The following C6orf132 variants were observed in gnomAD, a reference collection of about 807,000 sequenced individuals.
C6orf132 encodes the protein uncharacterized protein C6orf132.
In C6orf132, 43 loss-of-function variants were observed where a neutral mutation model predicts 65.3. The observed-to-expected ratio is 0.66, with a 90% confidence interval of 0.52 to 0.85. The LOEUF (loss-of-function observed/expected upper bound fraction) is 0.85. C6orf132 is among the 40% of genes least tolerant of loss of function. C6orf132 has a pLI of 0.00. For missense variants in C6orf132, 1,488 were observed against 1,548.8 expected (o/e 0.96, Z 0.66); for synonymous variants, 631 against 654.1 (o/e 0.96, Z 0.54).
Position 42,105,467 on chromosome 6 carries a change from G to C in C6orf132, c.2445C>G (p.Ala815=). ...EPPGLPAKPP[A]SAQPTDELLR... is the part of the protein sequence containing the mutation. ...GGAGTTCATCAGTGGGCTGGGCCGA[G>C]GCAGGAGGCTTGGCTGGCAGCCCTG... Residue 815 remains alanine (A), a synonymous_variant, in exon 4 of 5, where the codon GCC becomes GCG. Transcript: ENST00000341865. 1 of 1,534,042 alleles carries C rather than the reference G, an allele frequency of 6.5e-7. No homozygotes were observed. Among genetic ancestry groups the C allele is most frequent in the African/African-American group, 1.4e-5 (1 of 73,132 alleles).
At position 42,107,329 on chromosome 6, in the gene C6orf132, C is replaced by G; in HGVS notation, c.583G>C (p.Glu195Gln). ...AGAGTGTGTGGTGGGGATAGGGCCT[C>G]CAATACTGGGGGTGGAGGTGGGGCC... ...SMAPPPPPVLEALSPPHTLSS... is the reference protein window; with the variant it reads ...SMAPPPPPVLQALSPPHTLSS... Residue 195 changes from glutamate to glutamine, a missense_variant, in exon 4 of 5, where the codon GAG becomes CAG. Glu to Gln is a conservative substitution (Grantham distance 29, BLOSUM62 2). Coordinates refer to ENST00000341865, the MANE Select transcript of C6orf132 (RefSeq NM_001164446.3). The G allele has an allele frequency of 8.0e-7, 1 of 1,249,090 alleles. No homozygotes were observed. 77.4% of individuals were successfully genotyped at this position (1,249,090 alleles called of 1,614,324 possible). A position where few individuals can be genotyped will look rare whatever the true frequency, so the allele number is the denominator to read the frequency against.
intron 1 of C6orf132, among the ~76,000 whole-genome samples, chr6:42,134,510 A>G (rs1766907713): frequency 6.6e-6 from 1 of 152,066 alleles, no homozygotes; most frequent in Non-Finnish European, 1.5e-5. Flanking sequence ...ACAGTAGCTC[A>G]CGCCTGTAAT....
chr6:42,101,756 G>C lies in C6orf132; in HGVS notation c.*2005C>G, dbSNP rs758872180. ...GGGGCTGGGGTGGGATTTGCTTCTT[G>C]AACACAGATAACCAGACCCTACCCC... On this transcript the variant is annotated 3_prime_UTR_variant, in exon 5 of 5. Transcript: ENST00000341865. 2 of 152,100 alleles carry C rather than the reference G, an allele frequency of 1.3e-5. No homozygotes were observed. Among genetic ancestry groups the C allele is most frequent in the Non-Finnish European group, 2.9e-5 (2 of 68,036 alleles). 9.4% of individuals were successfully genotyped at this position (152,100 alleles called of 1,614,324 possible).
rs1196685990 is a variant in C6orf132 at position 42,105,860 on chromosome 6, C to T, written c.2052G>A (p.Lys684=). The change falls in exon 4 of 5, where the codon AAG becomes AAA. Residue 684 remains lysine, a synonymous_variant. Transcript: ENST00000341865. The part of the protein sequence containing the change: ...KATSGPTTPL[K]ATSGPAIAST... ...ATGCTATGGCAGGGCCAGATGTGGC[C>T]TTGAGTGGTGTGGTTGGCCCAGATG... is the stretch of plus-strand genomic sequence containing the variant. 6.5e-7 allele frequency: 1 copy of T among 1,537,122 alleles called. No individual in the cohort carries two copies. The highest frequency in any genetic ancestry group is 8.7e-7 in the Non-Finnish European group (1 of 1,146,856).
intron 1 of C6orf132, among the ~76,000 whole-genome samples, chr6:42,140,059 G>A (rs926953408): frequency 3.3e-5 from 5 of 152,194 alleles, no homozygotes; most frequent in African/African-American, 7.2e-5. Context: ...CTTCTGCCAC[G>A]CCCAGTGGCA....
At chr6:42,118,682 C>T (rs1180279666) in intron 2 of C6orf132, among the ~76,000 whole-genome samples, 1 of 152,124 alleles carries the variant, frequency 6.6e-6, no homozygotes, top group Admixed American at 6.5e-5. Context: ...CCACTCCCTG[C>T]ACTGTGGCTG....
At chr6:42,120,058 C>CACCCCAGCCTGGGCAACA (rs1766655860) in intron 2 of C6orf132, among the ~76,000 whole-genome samples, 2 of 151,692 alleles carry the variant, frequency 1.3e-5, no homozygotes, top group African/African-American at 4.8e-5. Context: ...CATGCCATTG[C>CACCCCAGCCTGGGCAACA]ACCCCAGCCT....
intron 1 of C6orf132, among the ~76,000 whole-genome samples, chr6:42,134,518 A>T (rs1766907853): frequency 6.6e-6 from 1 of 152,078 alleles, no homozygotes; most frequent in South Asian, 2.1e-4. Context: ...TCACGCCTGT[A>T]ATCCCAGCAC....
At chr6:42,118,093 G>A (rs1376638251) in intron 2 of C6orf132, among the ~76,000 whole-genome samples, 3 of 152,118 alleles carry the variant, frequency 2.0e-5, no homozygotes, top group Non-Finnish European at 2.9e-5. Flanking sequence ...TGACTACAGC[G>A]TTCTGTCAGT....
At chr6:42,120,891 G>T (rs1383322418) in intron 2 of C6orf132, among the ~76,000 whole-genome samples, 2 of 152,194 alleles carry the variant, frequency 1.3e-5, no homozygotes, top group East Asian at 1.9e-4. Context: ...AAAGTGTTGG[G>T]ATTACAGGCA....
In C6orf132 at chr6:42,105,595, A is replaced by G; in HGVS notation, c.2317T>C (p.Cys773Arg). 1 of 1,536,786 alleles carries G rather than the reference A, an allele frequency of 6.5e-7. No homozygotes were observed. Among genetic ancestry groups the G allele is most frequent in the African/African-American group, 1.4e-5 (1 of 73,172 alleles). ...TCACGGCTGAGGCTGCTCTGGTGGC[A>G]GTGGGGCTTGTAGAGACATGGCACC... ...GEVPCLYKPHCHQSSLSREVA... is the reference protein window; with the variant it reads ...GEVPCLYKPHRHQSSLSREVA... The change falls in exon 4 of 5, where the codon TGC becomes CGC. Residue 773 changes from cysteine (C) to arginine (R), a missense_variant. By Grantham distance (180) the Cys-to-Arg change is radical (BLOSUM62 -3). Coordinates refer to ENST00000341865, the MANE Select transcript of C6orf132 (RefSeq NM_001164446.3).
chr6:42,102,221 C>CTTTTTTTTTTTTTTTT lies in C6orf132; in HGVS notation c.*1524_*1539dup, dbSNP rs58496089. ...CCCTACTGATAGGTCTCCCCTGCTC[C>CTTTTTTTTTTTTTTTT]TTTTTTTTTTTTTTTTTTTTTTTTT... On this transcript the variant is annotated 3_prime_UTR_variant, in exon 5 of 5. Coordinates refer to ENST00000341865, the MANE Select transcript of C6orf132 (RefSeq NM_001164446.3). 2 of 92,196 alleles carry CTTTTTTTTTTTTTTTT rather than the reference C, an allele frequency of 2.2e-5. No homozygotes were observed. The highest frequency in any genetic ancestry group is 3.0e-4 in the East Asian group (1 of 3,338). 5.7% of individuals were successfully genotyped at this position (92,196 alleles called of 1,614,324 possible).
intron 1 of C6orf132, among the ~76,000 whole-genome samples, chr6:42,137,193 C>T (rs17702178): frequency 0.064 from 9,782 of 152,252 alleles, 386 homozygotes; most frequent in South Asian, 0.11. Context: ...AGCCTGGTGA[C>T]AATAATTACA....
At chr6:42,115,969 G>A (rs1371348115) in intron 2 of C6orf132, among the ~76,000 whole-genome samples, 2 of 124,000 alleles carry the variant, frequency 1.6e-5, no homozygotes, top group South Asian at 2.6e-4. Context: ...TCGCTGTGTC[G>A]CCCAGGCTGG....
intron 2 of C6orf132, among the ~76,000 whole-genome samples, chr6:42,122,237 A>AT (rs1469357403): frequency 6.6e-6 from 1 of 151,454 alleles, no homozygotes; most frequent in African/African-American, 2.4e-5. Context: ...TCCACCAGGT[A>AT]TTATGGCGGG....
intron 3 of C6orf132, among the ~76,000 whole-genome samples, chr6:42,108,342 A>T (rs760243807): frequency 3.3e-5 from 5 of 152,196 alleles, no homozygotes; most frequent in African/African-American, 4.8e-5. Context: ...CCATGCAAAT[A>T]CACAGAAAGG....
chr6:42,104,404 G>A lies in C6orf132; in HGVS notation c.3449+59C>T. 1 of 1,227,950 alleles carries A rather than the reference G, an allele frequency of 8.1e-7. No homozygotes were observed. The allele number at this position is 1,227,950 out of a possible 1,614,324, so 76.1% of individuals were successfully genotyped here. ...CTTGACGGATGGCCGGGACTCCTTG[G>A]CCCTCGCCTGGCTTTCCACCCCTCC... On this transcript the variant is annotated intron_variant, in intron 4 of 4. Transcript: ENST00000341865. The surrounding 1 kb of genome is among the most constrained non-coding windows in gnomAD (Gnocchi z 4.1).
rs1014157729 is a variant in C6orf132 at position 42,124,038 on chromosome 6, A to C, written c.252+4634T>G. ...CACACCATCTACCCTTCCGTTAGGA[A>C]GTCATTTTAACACAGAAAGTCGTGG... On this transcript the variant is annotated intron_variant, in intron 2 of 4. Coordinates refer to ENST00000341865, the MANE Select transcript of C6orf132 (RefSeq NM_001164446.3). The surrounding 1 kb of genome is among the most constrained non-coding windows in gnomAD (Gnocchi z 4.0). Among the ~76,000 whole-genome samples the C allele has an allele frequency of 2.6e-5, 4 of 152,204 alleles. No homozygotes were observed. Among genetic ancestry groups the C allele is most frequent in the African/African-American group, 9.6e-5 (4 of 41,462 alleles).
intron 2 of C6orf132, among the ~76,000 whole-genome samples, chr6:42,127,466 GA>G (rs530324896): frequency 8.0e-4 from 122 of 152,224 alleles, no homozygotes; most frequent in Admixed American, 1.8e-3. Context: ...GGACATAGCA[GA>G]AAAAAACCGG....
Sources: allele counts gnomAD v4.1 joint callset (sites outside exome capture counted in the v4.1 genomes callset), GRCh38; gene constraint gnomAD v4.1.1; non-coding constraint Gnocchi (gnomAD v3.1); transcripts MANE v1.5; gene names NCBI Gene and HGNC (gene_info 2026-07-23, HGNC 2026-07-21).